CLNK: variants seen among roughly 807,000 people sequenced by gnomAD.
The protein encoded by CLNK is cytokine dependent hematopoietic cell linker, also known as cytokine-dependent hematopoietic cell linker.
Under a neutral mutation model 68.6 loss-of-function variants are expected in CLNK, and 74 were observed. That is an observed-to-expected ratio of 1.08 (90% CI 0.89 to 1.31). CLNK has a LOEUF of 1.31. Among genes scored for constraint, CLNK ranks in the 50% most tolerant of loss-of-function variants. The pLI is 0.00. For synonymous variants in CLNK, 198 were observed against 172.2 expected (o/e 1.15, Z -1.17); for missense variants, 553 against 515.3 (o/e 1.07, Z -0.71).
chr4:10,550,297 T>A (rs1012272765), intron 8 of CLNK, among the ~76,000 whole-genome samples: 5 of 152,068 alleles, frequency 3.3e-5, no homozygotes, highest in African/African-American at 1.2e-4. Context: ...ATCGAGACCA[T>A]CCTGGCTAAC....
chr4:10,544,736 A>G lies in CLNK; in HGVS notation c.446-2456T>C, dbSNP rs139413282. On this transcript the variant is annotated intron_variant, in intron 8 of 18. Transcript: ENST00000226951. Reference sequence around the variant, plus strand: ...ATTTTTCTGTTGCTTAAAACAGAATACTTGAAATTAGGTGATTTTCTAGAA... The same window carrying G: ...ATTTTTCTGTTGCTTAAAACAGAATGCTTGAAATTAGGTGATTTTCTAGAA... Among the ~76,000 whole-genome samples the G allele has an allele frequency of 8.5e-5, 13 of 152,302 alleles. No homozygotes were observed. In the East Asian group the frequency reaches 2.1e-3, roughly 25 times the overall value.
intron 4 of CLNK, among the ~76,000 whole-genome samples, chr4:10,578,192 T>C (rs1054826830): frequency 2.0e-5 from 3 of 152,244 alleles, no homozygotes; most frequent in Non-Finnish European, 4.4e-5. Context: ...TTGTGTGTTT[T>C]TCTTTTCGAG....
intron 2 of CLNK, among the ~76,000 whole-genome samples, chr4:10,621,771 T>C (rs1451207746): frequency 3.3e-5 from 5 of 151,714 alleles, no homozygotes; most frequent in Admixed American, 2.0e-4. Flanking sequence ...CTCTGTGAAC[T>C]TTCTTTGTGT....
chr4:10,604,672 C>T (rs1202910046), intron 2 of CLNK, among the ~76,000 whole-genome samples: 3 of 151,876 alleles, frequency 2.0e-5, no homozygotes, highest in Non-Finnish European at 2.9e-5. Context: ...TATTATCTCA[C>T]ATTTTTATAT....
chr4:10,613,576 G>C (rs907278966), intron 2 of CLNK, among the ~76,000 whole-genome samples: 4 of 152,168 alleles, frequency 2.6e-5, no homozygotes, highest in African/African-American at 9.7e-5. Context: ...TCAGACACAG[G>C]AACACAAAGA....
chr4:10,703,899 T>G, the CLNK span, among the ~76,000 whole-genome samples: 1 of 152,216 alleles, frequency 6.6e-6, no homozygotes, highest in Non-Finnish European at 1.5e-5. Context: ...CAGTCTGTTG[T>G]TGACCAAAAT....
intron 16 of CLNK, among the ~76,000 whole-genome samples, chr4:10,508,936 G>T (rs553369755): frequency 1.3e-5 from 2 of 151,930 alleles, no homozygotes; most frequent in Non-Finnish European, 1.5e-5. Context: ...GTGAAACCCC[G>T]TCTCTACTAA....
intron 11 of CLNK, among the ~76,000 whole-genome samples, chr4:10,534,466 C>T (rs977723534): frequency 6.6e-6 from 1 of 151,864 alleles, no homozygotes; most frequent in East Asian, 1.9e-4. Context: ...TAGTTTTTGG[C>T]TTAGTTTTAA....
At chr4:10,570,014 G>A (rs1560221039) in intron 5 of CLNK, among the ~76,000 whole-genome samples, 1 of 152,164 alleles carries the variant, frequency 6.6e-6, no homozygotes, top group Non-Finnish European at 1.5e-5. Context: ...ACTCCAGGAA[G>A]TTTCACCATT....
chr4:10,558,685 C>T (rs1719773588), intron 7 of CLNK, among the ~76,000 whole-genome samples: 1 of 152,128 alleles, frequency 6.6e-6, no homozygotes, highest in Non-Finnish European at 1.5e-5. Context: ...GGATTGAGAA[C>T]CAATCCTGCC....
intron 3 of CLNK, among the ~76,000 whole-genome samples, chr4:10,590,827 T>C (rs1721155407): frequency 6.6e-6 from 1 of 152,160 alleles, no homozygotes; most frequent in African/African-American, 2.4e-5. Context: ...CTGAGCACTG[T>C]ACAAAAATGA....
chr4:10,676,122 A>G (rs1286912637), intron 1 of CLNK, among the ~76,000 whole-genome samples: 1 of 151,922 alleles, frequency 6.6e-6, no homozygotes, highest in African/African-American at 2.4e-5. Flanking sequence ...CTTTGAGTAA[A>G]CATGTCGAAA....
chr4:10,557,993 C>T (rs534542075), intron 8 of CLNK, among the ~76,000 whole-genome samples: 2 of 152,278 alleles, frequency 1.3e-5, no homozygotes, highest in African/African-American at 2.4e-5. Context: ...CCTGTATTTT[C>T]GTCTTCAAAT....
chr4:10,728,888 C>T, the CLNK span, among the ~76,000 whole-genome samples: 6 of 151,954 alleles, frequency 3.9e-5, no homozygotes, highest in Non-Finnish European at 8.8e-5. Context: ...TGTGAGCTAC[C>T]ACACCCGGCC....
At chr4:10,577,331 G>A (rs535712249) in intron 4 of CLNK, among the ~76,000 whole-genome samples, 34 of 152,282 alleles carry the variant, frequency 2.2e-4, no homozygotes, top group Middle Eastern at 3.4e-3. Flanking sequence ...AAGAATATGT[G>A]TTGAAAATTG....
At chr4:10,516,178 A>C (rs928795553) in intron 15 of CLNK, among the ~76,000 whole-genome samples, 1 of 152,226 alleles carries the variant, frequency 6.6e-6, no homozygotes, top group Non-Finnish European at 1.5e-5. Flanking sequence ...TATTTTAAAA[A>C]CATAAAATCT....
At chr4:10,637,745 C>T (rs1723150042) in intron 2 of CLNK, among the ~76,000 whole-genome samples, 1 of 148,236 alleles carries the variant, frequency 6.7e-6, no homozygotes, top group Non-Finnish European at 1.5e-5. Context: ...CAGGTGCCCG[C>T]CACCAGGCCC....
At chr4:10,613,347 G>T (rs374246331) in intron 2 of CLNK, among the ~76,000 whole-genome samples, 60 of 152,272 alleles carry the variant, frequency 3.9e-4, no homozygotes, top group African/African-American at 1.4e-3. Context: ...CACATCAGCT[G>T]TGGGATAACT....
Position 10,565,398 on chromosome 4 carries a change from TC to T in CLNK, c.292+610del, listed in dbSNP as rs1334300736. On this transcript the variant is annotated intron_variant, in intron 6 of 18. Coordinates refer to ENST00000226951, the MANE Select transcript of CLNK (RefSeq NM_052964.4). ...TCAGAAATTGTGAATACTTCCTCTT[TC>T]CCCTTACAATAGGGTGCTTTATCTC... Among the ~76,000 whole-genome samples, 5 of 152,312 alleles carry T rather than the reference TC, an allele frequency of 3.3e-5. No homozygotes were observed. In the East Asian group the frequency reaches 9.6e-4, roughly 29 times the overall value.
Sources: gnomAD v4.1 joint callset for allele counts (sites outside exome capture counted in the v4.1 genomes callset) on GRCh38, gnomAD v4.1.1 for gene constraint, MANE v1.5 for transcripts, NCBI Gene and HGNC (gene_info 2026-07-23, HGNC 2026-07-21) for gene names.